Variants in SCAPER observed in about 807,000 individuals in gnomAD.
SCAPER encodes S-phase cyclin A associated protein in the ER, also known as S phase cyclin A-associated protein in the endoplasmic reticulum.
Under a neutral mutation model 182.2 loss-of-function variants are expected in SCAPER, and 98 were observed. The observed-to-expected ratio is 0.54, with a 90% CI of 0.46 to 0.64. The LOEUF (loss-of-function observed/expected upper bound fraction) is 0.64, where lower values mean the gene tolerates loss of function less well. Among genes scored for constraint, SCAPER ranks in the 30% least tolerant of loss-of-function variants. The pLI is 0.00. For missense variants in SCAPER, 1,432 were observed against 1,690.0 expected (o/e 0.85, Z 2.68); for synonymous variants, 605 against 564.6 (o/e 1.07, Z -1.01).
At chr15:76,637,576 C>T (rs1269930597) in intron 21 of SCAPER, among the ~76,000 whole-genome samples, 2 of 151,558 alleles carry the variant, frequency 1.3e-5, no homozygotes, top group Non-Finnish European at 2.9e-5. Context: ...TATGGTGGTG[C>T]GTGCCTGTAG....
chr15:76,878,855 G>A (rs920707082), intron 2 of SCAPER, among the ~76,000 whole-genome samples: 1 of 151,958 alleles, frequency 6.6e-6, no homozygotes, highest in Non-Finnish European at 1.5e-5. Flanking sequence ...AAATGGGGAG[G>A]AAACTTGAGT....
chr15:76,354,054 G>C lies in SCAPER; in HGVS notation c.3942C>G (p.Ile1314Met), dbSNP rs1232631300. The change falls in exon 30 of 32, where the codon ATC (isoleucine) becomes ATG (methionine). Residue 1314 changes from isoleucine to methionine, a missense_variant. Coordinates refer to ENST00000563290, the MANE Select transcript of SCAPER (RefSeq NM_020843.4). The surrounding 1 kb of genome is among the most constrained non-coding windows in gnomAD (Gnocchi z 4.4). Reference sequence around the variant, plus strand: ...CGATAAGTGAAGGGAACAGTACTTTGATCAGCCGTGGGTCACTGAAATACT... The same window carrying C: ...CGATAAGTGAAGGGAACAGTACTTTCATCAGCCGTGGGTCACTGAAATACT... ...PFQYFSDPRL[I>M]KVLFPSLIAA... is the part of the protein sequence containing the mutation. 1 of 1,610,346 alleles carries C rather than the reference G, an allele frequency of 6.2e-7. No individual in the cohort carries two copies. Among genetic ancestry groups the C allele is most frequent in the Non-Finnish European group, 8.5e-7 (1 of 1,178,918 alleles).
At chr15:76,780,245 G>C (rs1030372771) in intron 8 of SCAPER, among the ~76,000 whole-genome samples, 1 of 152,260 alleles carries the variant, frequency 6.6e-6, no homozygotes, top group East Asian at 1.9e-4. Flanking sequence ...TGGCTCAGCA[G>C]GTCTCACGCC....
intron 1 of SCAPER, among the ~76,000 whole-genome samples, chr15:76,897,072 G>T (rs2074478314): frequency 6.6e-6 from 1 of 152,012 alleles, no homozygotes. Context: ...TTGAATCTCA[G>T]GGTACACAGC....
intron 8 of SCAPER, among the ~76,000 whole-genome samples, chr15:76,792,044 A>C (rs925903951): frequency 6.6e-6 from 1 of 151,352 alleles, no homozygotes; most frequent in Non-Finnish European, 1.5e-5. Flanking sequence ...CAAAAAAAAA[A>C]ACCAATAATT....
intron 17 of SCAPER, among the ~76,000 whole-genome samples, chr15:76,716,280 C>T (rs1232274694): frequency 6.6e-6 from 1 of 152,104 alleles, no homozygotes. Flanking sequence ...GTCCTACACC[C>T]AAGCGGTACC....
At chr15:76,862,661 G>A in intron 2 of SCAPER, 128 bp from the exon 3 acceptor site, 2 of 515,584 alleles carry the variant, frequency 3.9e-6, no homozygotes, top group Non-Finnish European at 6.5e-6. Flanking sequence ...TGTGGTGGGT[G>A]GTTAAACAGA....
chr15:76,412,605 T>C (rs1353093406), intron 26 of SCAPER, among the ~76,000 whole-genome samples: 2 of 152,204 alleles, frequency 1.3e-5, no homozygotes, highest in African/African-American at 2.4e-5. Flanking sequence ...TTTGACCTAT[T>C]GATCAATCTT....
chr15:76,528,219 C>A (rs1211434561), intron 23 of SCAPER, among the ~76,000 whole-genome samples: 2 of 152,176 alleles, frequency 1.3e-5, no homozygotes, highest in Non-Finnish European at 1.5e-5. Context: ...AGTTTGCCAA[C>A]CTCTGCCTTA....
chr15:76,705,679 A>C (rs1042607842), intron 18 of SCAPER, among the ~76,000 whole-genome samples: 4 of 152,126 alleles, frequency 2.6e-5, no homozygotes, highest in Non-Finnish European at 5.9e-5. Flanking sequence ...AAAAAACAGG[A>C]AATGTTAAAC....
intron 24 of SCAPER, among the ~76,000 whole-genome samples, chr15:76,484,890 T>C (rs1280458588): frequency 1.4e-5 from 2 of 143,442 alleles, no homozygotes; most frequent in Non-Finnish European, 3.2e-5. Context: ...AAACTAGGTA[T>C]TGAAGAAACA....
intron 25 of SCAPER, among the ~76,000 whole-genome samples, chr15:76,445,893 T>C (rs1308349846): frequency 6.6e-6 from 1 of 152,162 alleles, no homozygotes; most frequent in Non-Finnish European, 1.5e-5. Flanking sequence ...CACCAAGGGA[T>C]GGCGAGAGGG....
At chr15:76,657,445 G>A (rs574983453) in intron 21 of SCAPER, among the ~76,000 whole-genome samples, 3 of 151,734 alleles carry the variant, frequency 2.0e-5, no homozygotes, top group Admixed American at 2.0e-4. Flanking sequence ...ACCAGATTTA[G>A]AGCCAGATTC....
At chr15:76,859,826 G>A (rs774626356) in intron 3 of SCAPER, among the ~76,000 whole-genome samples, 1 of 151,962 alleles carries the variant, frequency 6.6e-6, no homozygotes, top group African/African-American at 2.4e-5. Flanking sequence ...CTGCCTCCCA[G>A]GTTCAAGCCT....
At chr15:76,476,437 T>G (rs2143008354) in intron 24 of SCAPER, among the ~76,000 whole-genome samples, 1 of 151,970 alleles carries the variant, frequency 6.6e-6, no homozygotes. Flanking sequence ...TTTCTTTCTT[T>G]TTGAGACAGG....
chr15:76,773,378 G>C (rs547461758), intron 9 of SCAPER, among the ~76,000 whole-genome samples: 41 of 151,912 alleles, frequency 2.7e-4, no homozygotes, highest in Admixed American at 4.6e-4. Flanking sequence ...ATAGCATATA[G>C]GTTTATTCAC....
chr15:76,605,944 A>G (rs2050351382), intron 22 of SCAPER, among the ~76,000 whole-genome samples: 1 of 151,948 alleles, frequency 6.6e-6, no homozygotes, highest in African/African-American at 2.4e-5. Flanking sequence ...GCGGTCTATC[A>G]ATTTTGCTGA....
chr15:76,478,093 G>C (rs1277359354), intron 24 of SCAPER, among the ~76,000 whole-genome samples: 1 of 151,496 alleles, frequency 6.6e-6, no homozygotes, highest in Non-Finnish European at 1.5e-5. Context: ...GTTTACTTCT[G>C]GTGCTTTTAT....
chr15:76,381,536 C>T lies in SCAPER; in HGVS notation c.3547G>A (p.Val1183Ile). Residue 1183 changes from valine to isoleucine, a missense_variant, in exon 28 of 32, where the codon GTT becomes ATT. Physicochemically the swap from Val to Ile is conservative, Grantham distance 29. Coordinates refer to ENST00000563290, the MANE Select transcript of SCAPER (RefSeq NM_020843.4). ...AALQATDLAG[V>I]LHMLYCVLFH... is the part of the protein sequence containing the mutation. ...AGGACACAGTAGAGCATATGAAGAA[C>T]TCCAGCCAGGTCGGTTGCCTGAAGA... is the stretch of plus-strand genomic sequence containing the variant. The T allele has an allele frequency of 6.2e-7, 1 of 1,612,896 alleles. No individual in the cohort carries two copies. Among genetic ancestry groups the T allele is most frequent in the South Asian group, 1.1e-5 (1 of 90,770 alleles).
Sources: gnomAD v4.1 joint callset for allele counts (sites outside exome capture counted in the v4.1 genomes callset) on GRCh38, gnomAD v4.1.1 for gene constraint, Gnocchi (gnomAD v3.1) non-coding constraint, MANE v1.5 for transcripts, NCBI Gene and HGNC (gene_info 2026-07-23, HGNC 2026-07-21) for gene names.